Variants in DICER1 observed in about 807,000 individuals in gnomAD.
DICER1 encodes the protein dicer 1, ribonuclease III.
DICER1 carries 43 observed loss-of-function variants against 194.1 expected under a neutral mutation model. The observed-to-expected ratio is 0.22, with a 90% confidence interval of 0.17 to 0.29. The LOEUF (loss-of-function observed/expected upper bound fraction) is 0.29, where lower values mean the gene tolerates loss of function less well. DICER1 is among the 10% of genes least tolerant of loss of function. The pLI is 1.00. For synonymous variants in DICER1, 832 were observed against 820.5 expected, an observed-to-expected ratio of 1.01 and a Z score of -0.24; for missense variants, 1,608 against 2,317.0, an observed-to-expected ratio of 0.69 and a Z score of 6.28.
rs997637970 is a variant in DICER1 at position 95,094,939 on chromosome 14, C to T, written c.5096-783G>A. On this transcript the variant is annotated intron_variant, in intron 23 of 26. Coordinates refer to ENST00000343455, the MANE Select transcript of DICER1 (RefSeq NM_177438.3). ...AAGCAGGGACTGCTAGGCGAGAACC[C>T]AGGTCTCGGAACTTCCAGCAGAATG... Among the ~76,000 whole-genome samples the T allele has an allele frequency of 2.6e-5, 4 of 152,202 alleles. No individual in the cohort carries two copies. In the East Asian group the frequency reaches 5.8e-4, roughly 22 times the overall value.
intron 1 of DICER1, among the ~76,000 whole-genome samples, chr14:95,148,370 C>T (rs754416579): frequency 1.1e-4 from 16 of 152,150 alleles, no homozygotes; most frequent in Non-Finnish European, 2.1e-4. Context: ...GGCCACCAGT[C>T]GATCATTAGC....
Position 95,104,421 on chromosome 14 carries a change from G to A in DICER1, c.3270-295C>T, listed in dbSNP as rs185295835. Among the ~76,000 whole-genome samples, 8 of 152,286 alleles carry A rather than the reference G, an allele frequency of 5.3e-5. No homozygotes were observed. The East Asian group carries it at 1.5e-3, about 29-fold the overall frequency. ...CTAGCTTCACGGGTTGGAATCCCAG[G>A]CACTCTGGTTAACCCGCTGAGTAAC... On this transcript the variant is annotated intron_variant, in intron 20 of 26. Coordinates refer to ENST00000343455, the MANE Select transcript of DICER1 (RefSeq NM_177438.3).
At chr14:95,135,585 C>G (rs967192662) in intron 1 of DICER1, among the ~76,000 whole-genome samples, 7 of 152,058 alleles carry the variant, frequency 4.6e-5, no homozygotes, top group Non-Finnish European at 1.5e-5. Flanking sequence ...AATGTCAATG[C>G]CATAAAATAC....
intron 24 of DICER1, among the ~76,000 whole-genome samples, chr14:95,092,934 A>G (rs1342332203): frequency 2.0e-5 from 3 of 152,204 alleles, no homozygotes; most frequent in African/African-American, 7.2e-5. Flanking sequence ...CTTGGACAAG[A>G]GCACAGAGGC....
At chr14:95,115,921 C>A (rs1320941546) in intron 10 of DICER1, 100 bp from the exon 11 acceptor site, 5 of 1,179,096 alleles carry the variant, frequency 4.2e-6, no homozygotes, top group Non-Finnish European at 6.2e-6. Flanking sequence ...GAAAATATCT[C>A]TCTCTCTCCT....
chr14:95,104,022 C>T lies in DICER1; in HGVS notation c.3374G>A (p.Ser1125Asn), dbSNP rs748581847. 7.4e-6 allele frequency: 12 copies of T among 1,613,970 alleles called. No homozygotes were observed. Among genetic ancestry groups the T allele is most frequent in the African/African-American group, 1.3e-5 (1 of 74,920 alleles). ...SAENDNYCKH[S>N]TIVPENAAHQ... ...TGCAGCATTTTCAGGGACAATTGTGCTGTGCTTACAGTAATTATCATTTTC... is the reference window on the plus strand; with the variant it reads ...TGCAGCATTTTCAGGGACAATTGTGTTGTGCTTACAGTAATTATCATTTTC... The change falls in exon 21 of 27, where the codon AGC (serine) becomes AAC (asparagine). Residue 1125 changes from serine (S) to asparagine (N), a missense_variant. Transcript: ENST00000343455.
chr14:95,118,066 G>A (rs1892640577), intron 8 of DICER1, among the ~76,000 whole-genome samples: 1 of 152,176 alleles, frequency 6.6e-6, no homozygotes, highest in East Asian at 1.9e-4. Context: ...ATGAGACTGA[G>A]CTAGTCAGAG....
Position 95,087,685 on chromosome 14 carries a change from T to C in DICER1, c.*2813A>G, listed in dbSNP as rs575292922. ...AGTTAGGACTGCGGAAAGCATATTATAAAAGAAATTTTAAAAAATTTACAA... is the reference window on the plus strand; with the variant it reads ...AGTTAGGACTGCGGAAAGCATATTACAAAAGAAATTTTAAAAAATTTACAA... On this transcript the variant is annotated 3_prime_UTR_variant, in exon 27 of 27. Transcript: ENST00000343455. The C allele has an allele frequency of 8.6e-6, 2 of 233,110 alleles. No homozygotes were observed. The highest frequency in any genetic ancestry group is 1.8e-4 in the South Asian group (1 of 5,532). The allele number at this position is 233,110 out of a possible 1,614,324, so 14.4% of individuals were successfully genotyped here. A position where few individuals can be genotyped will look rare whatever the true frequency, so the allele number is the denominator to read the frequency against.
chr14:95,131,505 T>C lies in DICER1; in HGVS notation c.438+4A>G. ...ATAAAGTGAAATTTCTCTACAAGTC[T>C]TACCTGGTGCTTAGTAAACTCTTGG... is the stretch of plus-strand genomic sequence containing the variant. On this transcript the variant is annotated splice_donor_region_variant and intron_variant, in intron 4 of 26. Coordinates refer to ENST00000343455, the MANE Select transcript of DICER1 (RefSeq NM_177438.3). 1 of 1,613,184 alleles carries C rather than the reference T, an allele frequency of 6.2e-7. No individual in the cohort carries two copies. The highest frequency in any genetic ancestry group is 8.5e-7 in the Non-Finnish European group (1 of 1,179,172).
At chr14:95,157,918 CT>C, upstream of DICER1, 1 of 152,414 alleles carries the variant, frequency 6.6e-6, no homozygotes, top group Non-Finnish European at 1.5e-5. Flanking sequence ...CCTCCCTCCC[CT>C]TTTTAAAGTA....
At chr14:95,126,191 C>T (rs1893445313) in intron 7 of DICER1, among the ~76,000 whole-genome samples, 1 of 152,214 alleles carries the variant, frequency 6.6e-6, no homozygotes, top group South Asian at 2.1e-4. Flanking sequence ...CTTCTCAAAG[C>T]AGTACCACTG....
chr14:95,091,252 T>C lies in DICER1; in HGVS notation c.5478A>G (p.Ser1826=), dbSNP rs1889797864. ...AGAIYMDSGM[S]LETVWQVYYP... ...AGTACACCTGCCAGACTGTCTCCAG[T>C]GACATCCCACTATCCATGTAAATGG... Residue 1826 remains serine (S), a synonymous_variant, in exon 25 of 27, where the codon TCA becomes TCG. Coordinates refer to ENST00000343455, the MANE Select transcript of DICER1 (RefSeq NM_177438.3). 1 of 1,614,164 alleles carries C rather than the reference T, an allele frequency of 6.2e-7. No individual in the cohort carries two copies. Among genetic ancestry groups the C allele is most frequent in the East Asian group, 2.2e-5 (1 of 44,884 alleles).
chr14:95,140,036 C>T (rs1209679485), intron 1 of DICER1, among the ~76,000 whole-genome samples: 2 of 152,100 alleles, frequency 1.3e-5, no homozygotes, highest in South Asian at 4.1e-4. Flanking sequence ...TAAACTTGGC[C>T]TTAATGAAAA....
In DICER1 at chr14:95,088,512, G is replaced by A. The variant is rs1260614159; in HGVS notation, c.*1986C>T. On this transcript the variant is annotated 3_prime_UTR_variant, in exon 27 of 27. Coordinates refer to ENST00000343455, the MANE Select transcript of DICER1 (RefSeq NM_177438.3). Reference sequence around the variant, plus strand: ...GCCTTGTTAACTGCACACTTTTACAGTTATATAATTCAAGAATTGCTTTGT... The same window carrying A: ...GCCTTGTTAACTGCACACTTTTACAATTATATAATTCAAGAATTGCTTTGT... The A allele has an allele frequency of 3.0e-5, 7 of 232,060 alleles. No individual in the cohort carries two copies. The highest frequency in any genetic ancestry group is 5.1e-5 in the Non-Finnish European group (6 of 117,292). The allele number at this position is 232,060 out of a possible 1,614,324, so 14.4% of individuals were successfully genotyped here. A position where few individuals can be genotyped will look rare whatever the true frequency, so the allele number is the denominator to read the frequency against.
At chr14:95,121,035 G>A (rs576486881) in intron 8 of DICER1, among the ~76,000 whole-genome samples, 4 of 152,144 alleles carry the variant, frequency 2.6e-5, no homozygotes, top group Non-Finnish European at 4.4e-5. Context: ...GATACCATGA[G>A]AGCCCCCTGA....
intron 1 of DICER1, among the ~76,000 whole-genome samples, chr14:95,149,707 G>A (rs1162483932): frequency 2.9e-4 from 44 of 152,154 alleles, no homozygotes; most frequent in Admixed American, 2.9e-3. Flanking sequence ...AGGTAGTTTG[G>A]AATGTAGGAA....
At position 95,107,857 on chromosome 14, in the gene DICER1, AAAGT is replaced by A; in HGVS notation, c.2650+19_2650+22del. Reference sequence around the variant, plus strand: ...GTTTGTATATGTGTCTAGAGTTATCAAAGTAAGAGATTTTTTTCTTACCAACATT... The same window carrying A: ...GTTTGTATATGTGTCTAGAGTTATCAAAGAGATTTTTTTCTTACCAACATT... On this transcript the variant is annotated intron_variant, in intron 16 of 26. Transcript: ENST00000343455. 1.6e-5 allele frequency: 25 copies of A among 1,609,790 alleles called. No homozygotes were observed. Among genetic ancestry groups the A allele is most frequent in the Non-Finnish European group, 2.1e-5 (25 of 1,176,080 alleles).
At chr14:95,136,124 C>CACAG (rs3223546) in intron 1 of DICER1, among the ~76,000 whole-genome samples, 1 of 147,920 alleles carries the variant, frequency 6.8e-6, no homozygotes, top group Non-Finnish European at 1.5e-5. Context: ...CACACACACA[C>CACAG]AGCTGATAAA....
chr14:95,120,403 G>C (rs1157775548), intron 8 of DICER1, among the ~76,000 whole-genome samples: 2 of 152,228 alleles, frequency 1.3e-5, no homozygotes, highest in Admixed American at 6.5e-5. Context: ...GCCAGTAAGA[G>C]AGGGAGGTAT....
Sources: gnomAD v4.1 joint callset for allele counts (sites outside exome capture counted in the v4.1 genomes callset) on GRCh38, gnomAD v4.1.1 for gene constraint, MANE v1.5 for transcripts, NCBI Gene and HGNC (gene_info 2026-07-23, HGNC 2026-07-21) for gene names.